PKNOX2: variants seen among roughly 807,000 people sequenced by gnomAD.
PKNOX2 encodes the protein homeobox protein PKNOX2.
PKNOX2 carries 14 observed loss-of-function variants against 53.1 expected under a neutral mutation model. The ratio of observed to expected loss-of-function variants is 0.26; its 90% CI spans 0.17 to 0.41. The LOEUF (loss-of-function observed/expected upper bound fraction) is 0.41, where lower values mean the gene tolerates loss of function less well. Ranked by LOEUF, PKNOX2 falls within the 10% of genes least tolerant of loss-of-function variation. The pLI is 1.00. For missense variants in PKNOX2, 496 were observed against 602.8 expected, an observed-to-expected ratio of 0.82 and a Z score of 1.85; for synonymous variants, 257 against 242.8, an observed-to-expected ratio of 1.06 and a Z score of -0.54.
intron 1 of PKNOX2, among the ~76,000 whole-genome samples, chr11:125,221,851 T>C (rs1941185105): frequency 6.6e-6 from 1 of 152,146 alleles, no homozygotes; most frequent in South Asian, 2.1e-4. Context: ...AAAAACTTCC[T>C]GTCCCCAAAA....
chr11:125,350,273 C>T (rs1277213967), intron 3 of PKNOX2, among the ~76,000 whole-genome samples: 2 of 152,176 alleles, frequency 1.3e-5, no homozygotes, highest in Non-Finnish European at 2.9e-5. Context: ...CTTATGGCAC[C>T]ACATCCTACT....
intron 1 of PKNOX2, among the ~76,000 whole-genome samples, chr11:125,194,654 T>G (rs1957078708): frequency 6.6e-6 from 1 of 152,164 alleles, no homozygotes; most frequent in Admixed American, 6.5e-5. Flanking sequence ...TGCTTCAATG[T>G]CCCTTAGGCC....
intron 10 of PKNOX2, among the ~76,000 whole-genome samples, chr11:125,416,512 A>G (rs1467421266): frequency 6.6e-6 from 1 of 151,862 alleles, no homozygotes; most frequent in Non-Finnish European, 1.5e-5. Flanking sequence ...CTCTTTTTGC[A>G]CTCATATTTC....
intron 5 of PKNOX2, among the ~76,000 whole-genome samples, chr11:125,382,885 G>T (rs1185314174): frequency 6.6e-6 from 1 of 152,150 alleles, no homozygotes; most frequent in African/African-American, 2.4e-5. Context: ...TTTCTCAATG[G>T]ATCTCCTGGC....
chr11:125,301,649 C>A lies in PKNOX2; in HGVS notation c.-129-30170C>A, dbSNP rs181885778. On this transcript the variant is annotated intron_variant, in intron 2 of 12. Coordinates refer to ENST00000298282, the MANE Select transcript of PKNOX2 (RefSeq NM_001382323.2). ...TATTATCTTTCCTTCTTCCAAACAG[C>A]CCTGGAAATGTCAAAAGATCATCTA... Among the ~76,000 whole-genome samples the A allele has an allele frequency of 1.2e-3, 187 of 152,026 alleles. 1 individual carries two copies. The highest frequency in any genetic ancestry group is 4.3e-3 in the African/African-American group (180 of 41,466).
At position 125,166,850 on chromosome 11, in the gene PKNOX2, G is replaced by C. The variant is rs768752947; in HGVS notation, c.-201+2074G>C. On this transcript the variant is annotated intron_variant, in intron 1 of 12. Transcript: ENST00000298282. This position sits in a 1 kb window ranked among gnomAD's most constrained non-coding sequence, Gnocchi z 4.0. ...GGAGACTTCAGGATATTAGCTTTTC[G>C]GGTTTCAAATGCTCTATAACCGGTG... is the stretch of plus-strand genomic sequence containing the variant. 3.3e-5 allele frequency among the ~76,000 whole-genome samples: 5 copies of C among 152,064 alleles called. No homozygotes were observed. Among genetic ancestry groups the C allele is most frequent in the Admixed American group, 6.5e-5 (1 of 15,280 alleles).
intron 2 of PKNOX2, among the ~76,000 whole-genome samples, chr11:125,305,050 G>A (rs907747146): frequency 6.6e-6 from 1 of 152,160 alleles, no homozygotes; most frequent in Non-Finnish European, 1.5e-5. Flanking sequence ...TAAGTGGTGG[G>A]ATCTGGATTC....
At chr11:125,201,761 TC>T (rs1938467369) in intron 1 of PKNOX2, among the ~76,000 whole-genome samples, 1 of 152,348 alleles carries the variant, frequency 6.6e-6, no homozygotes, top group East Asian at 1.9e-4. Context: ...CAGCCTTACT[TC>T]CTTCAAGGTT....
chr11:125,176,423 T>C (rs977738221), intron 1 of PKNOX2, among the ~76,000 whole-genome samples: 2 of 152,102 alleles, frequency 1.3e-5, no homozygotes, highest in African/African-American at 2.4e-5. Context: ...TCACAGATCA[T>C]GGGAGAGGAA....
At chr11:125,395,387 A>G (rs140183326) in intron 6 of PKNOX2, among the ~76,000 whole-genome samples, 4 of 152,226 alleles carry the variant, frequency 2.6e-5, no homozygotes, top group African/African-American at 9.6e-5. Context: ...AACAATTTGT[A>G]TACAGGTTTT....
chr11:125,412,812 G>A (rs551929486), intron 10 of PKNOX2, among the ~76,000 whole-genome samples: 1 of 152,300 alleles, frequency 6.6e-6, no homozygotes, highest in East Asian at 1.9e-4. Context: ...AGGAGGAAGA[G>A]GAAATCCTTC....
chr11:125,253,387 GGAA>G (rs1944155949), intron 2 of PKNOX2, among the ~76,000 whole-genome samples: 1 of 152,134 alleles, frequency 6.6e-6, no homozygotes, highest in Admixed American at 6.5e-5. Context: ...AATGAAAGAA[GGAA>G]GGAGAGAGTC....
intron 10 of PKNOX2, among the ~76,000 whole-genome samples, chr11:125,420,525 C>CA (rs35294408): frequency 5.3e-4 from 78 of 146,016 alleles, no homozygotes; most frequent in Middle Eastern, 6.9e-3. Flanking sequence ...GACTCCATCT[C>CA]AAAAAAAAAA....
intron 1 of PKNOX2, among the ~76,000 whole-genome samples, chr11:125,212,280 C>G (rs1939932426): frequency 6.6e-6 from 1 of 151,954 alleles, no homozygotes; most frequent in Admixed American, 6.6e-5. Context: ...GGGGAGCATT[C>G]TTTCTGGAGC....
At chr11:125,337,410 C>T (rs1950484898) in intron 3 of PKNOX2, among the ~76,000 whole-genome samples, 1 of 152,200 alleles carries the variant, frequency 6.6e-6, no homozygotes, top group Non-Finnish European at 1.5e-5. Flanking sequence ...TCTCACATGT[C>T]CAACACTGGC....
intron 2 of PKNOX2, among the ~76,000 whole-genome samples, chr11:125,303,049 C>T (rs928397496): frequency 6.6e-6 from 1 of 152,086 alleles, no homozygotes. Context: ...TCCTCCATGT[C>T]CCCAGGAGCT....
At chr11:125,226,421 A>G (rs1941698054) in intron 1 of PKNOX2, among the ~76,000 whole-genome samples, 2 of 152,128 alleles carry the variant, frequency 1.3e-5, no homozygotes. Context: ...GACTGCTACC[A>G]CCTTAAGGTT....
In PKNOX2 at chr11:125,187,302, T is replaced by C. The variant is rs564507347; in HGVS notation, c.-201+22526T>C. ...TTGAATCTGCAGATTGTTTGTTAGATGTATTGACATCTAAGCAATATTAAG... is the reference window on the plus strand; with the variant it reads ...TTGAATCTGCAGATTGTTTGTTAGACGTATTGACATCTAAGCAATATTAAG... On this transcript the variant is annotated intron_variant, in intron 1 of 12. Coordinates refer to ENST00000298282, the MANE Select transcript of PKNOX2 (RefSeq NM_001382323.2). 2.0e-5 allele frequency among the ~76,000 whole-genome samples: 3 copies of C among 152,316 alleles called. No individual in the cohort carries two copies. In the South Asian group the frequency reaches 6.2e-4, roughly 32 times the overall value.
At position 125,165,368 on chromosome 11, in the gene PKNOX2, C is replaced by G. The variant is rs1311510700; in HGVS notation, c.-201+592C>G. On this transcript the variant is annotated intron_variant, in intron 1 of 12. Coordinates refer to ENST00000298282, the MANE Select transcript of PKNOX2 (RefSeq NM_001382323.2). This position sits in a 1 kb window ranked among gnomAD's most constrained non-coding sequence, Gnocchi z 4.5. ...AGAAGGCTCCCGGCCGGGCGCTCCGCGGGGAGAGGCTGGGAACCGCGGGCA... is the reference window on the plus strand; with the variant it reads ...AGAAGGCTCCCGGCCGGGCGCTCCGGGGGGAGAGGCTGGGAACCGCGGGCA... 6.6e-6 allele frequency among the ~76,000 whole-genome samples: 1 copy of G among 152,088 alleles called. No homozygotes were observed. Among genetic ancestry groups the G allele is most frequent in the Non-Finnish European group, 1.5e-5 (1 of 67,986 alleles).
Sources: gnomAD v4.1 joint callset for allele counts (sites outside exome capture counted in the v4.1 genomes callset) on GRCh38, gnomAD v4.1.1 for gene constraint, Gnocchi (gnomAD v3.1) non-coding constraint, MANE v1.5 for transcripts, NCBI Gene and HGNC (gene_info 2026-07-23, HGNC 2026-07-21) for gene names.